The following COG5 variants were observed in gnomAD, a reference collection of about 807,000 sequenced individuals.
COG5 encodes the protein component of oligomeric golgi complex 5, also known as conserved oligomeric Golgi complex subunit 5.
Under a neutral mutation model 110.4 loss-of-function variants are expected in COG5, and 86 were observed. That is an observed-to-expected ratio of 0.78 (90% CI 0.65 to 0.93). The LOEUF is 0.93. Ranked by LOEUF, COG5 falls within the 40% of genes least tolerant of loss-of-function variation. The pLI is 0.00. For missense variants in COG5, 1,077 were observed against 987.0 expected, an observed-to-expected ratio of 1.09 and a Z score of -1.22; for synonymous variants, 360 against 334.6, an observed-to-expected ratio of 1.08 and a Z score of -0.83.
At chr7:107,310,797 G>C (rs1435572764) in intron 11 of COG5, among the ~76,000 whole-genome samples, 2 of 152,192 alleles carry the variant, frequency 1.3e-5, no homozygotes, top group Non-Finnish European at 2.9e-5. Context: ...CCAGGACTGA[G>C]ACAGCTGGAT....
intron 10 of COG5, among the ~76,000 whole-genome samples, chr7:107,353,213 CAGG>C (rs1584717844): frequency 6.6e-6 from 1 of 152,070 alleles, no homozygotes; most frequent in East Asian, 1.9e-4. Flanking sequence ...ATCACAAGGT[CAGG>C]AGATCGAGAC....
intron 12 of COG5, among the ~76,000 whole-genome samples, chr7:107,294,070 C>T (rs1269510062): frequency 6.6e-6 from 1 of 151,884 alleles, no homozygotes; most frequent in Non-Finnish European, 1.5e-5. Context: ...AAGACTCCAT[C>T]TAAAAAAATA....
chr7:107,268,856 A>T lies in COG5; in HGVS notation c.1576-10473T>A, dbSNP rs117548237. ...ATTTTTTCTCCATTCCTTTACTTTCATCCTTTATCTGTCCTTATATTTTAG... is the reference window on the plus strand; with the variant it reads ...ATTTTTTCTCCATTCCTTTACTTTCTTCCTTTATCTGTCCTTATATTTTAG... On this transcript the variant is annotated intron_variant, in intron 14 of 21. Transcript: ENST00000297135. 1.5e-3 allele frequency among the ~76,000 whole-genome samples: 221 copies of T among 152,144 alleles called. 6 individuals carry two copies. In the East Asian group the frequency reaches 0.04, roughly 28 times the overall value.
intron 5 of COG5, among the ~76,000 whole-genome samples, chr7:107,539,009 G>A (rs931013594): frequency 3.9e-5 from 6 of 152,034 alleles, no homozygotes; most frequent in South Asian, 4.2e-4. Flanking sequence ...TGGACCAGGC[G>A]GCTCACTCCT....
At chr7:107,441,757 A>C (rs182498110) in intron 6 of COG5, among the ~76,000 whole-genome samples, 1 of 152,186 alleles carries the variant, frequency 6.6e-6, no homozygotes, top group Admixed American at 6.5e-5. Flanking sequence ...TACTTAGACC[A>C]TATGTGCTAA....
intron 14 of COG5, among the ~76,000 whole-genome samples, chr7:107,266,225 A>C (rs571032046): frequency 6.6e-6 from 1 of 152,306 alleles, no homozygotes; most frequent in East Asian, 1.9e-4. Context: ...CCAGCACATC[A>C]ATCTAACTAA....
chr7:107,234,223 T>C (rs1417977341), intron 18 of COG5, among the ~76,000 whole-genome samples: 1 of 152,162 alleles, frequency 6.6e-6, no homozygotes, highest in Non-Finnish European at 1.5e-5. Context: ...AGTGAGTAAA[T>C]GCTGTGTGTG....
At chr7:107,404,720 TA>T (rs1217175474) in intron 7 of COG5, among the ~76,000 whole-genome samples, 1 of 151,622 alleles carries the variant, frequency 6.6e-6, no homozygotes, top group African/African-American at 2.4e-5. Context: ...GTCAACAAGA[TA>T]AGGTTCTAAG....
intron 19 of COG5, among the ~76,000 whole-genome samples, chr7:107,218,272 C>G (rs537869397): frequency 1.3e-5 from 2 of 152,186 alleles, no homozygotes; most frequent in East Asian, 3.9e-4. Context: ...AATGTCCATA[C>G]TATCCAAACC....
chr7:107,321,072 C>G (rs906864237), intron 11 of COG5, among the ~76,000 whole-genome samples: 1 of 152,104 alleles, frequency 6.6e-6, no homozygotes, highest in African/African-American at 2.4e-5. Context: ...CTGAGACTTT[C>G]ATATTTGTAA....
At chr7:107,250,654 T>C (rs1448218827) in intron 16 of COG5, among the ~76,000 whole-genome samples, 2 of 151,540 alleles carry the variant, frequency 1.3e-5, no homozygotes, top group Non-Finnish European at 2.9e-5. Context: ...ACACAATAAA[T>C]AAAATAATAG....
intron 6 of COG5, among the ~76,000 whole-genome samples, chr7:107,442,514 T>C (rs1794773747): frequency 6.6e-6 from 1 of 151,296 alleles, no homozygotes; most frequent in South Asian, 2.1e-4. Context: ...TAAATACTTA[T>C]GCACTAAAGG....
At position 107,283,594 on chromosome 7, in the gene COG5, A is replaced by G. The variant is rs1228777798; in HGVS notation, c.1452T>C (p.Asp484=). ...GRNPPSSDEL[D]GIIKTIASEL... is the part of the protein sequence containing the mutation. ...ACCTTGCTATAGTTTTAATAATACC[A>G]TCAAGTTCATCAGAGGAAGGAGGAT... Residue 484 remains aspartate (D), a synonymous_variant, in exon 13 of 22, where the codon GAT becomes GAC. Transcript: ENST00000297135. 3 of 1,613,886 alleles carry G rather than the reference A, an allele frequency of 1.9e-6. No individual in the cohort carries two copies. The highest frequency in any genetic ancestry group is 2.7e-5 in the African/African-American group (2 of 74,932).
intron 10 of COG5, among the ~76,000 whole-genome samples, chr7:107,355,542 A>G (rs1166567913): frequency 6.6e-6 from 1 of 152,258 alleles, no homozygotes; most frequent in Non-Finnish European, 1.5e-5. Context: ...CAATAAATGA[A>G]TGAATAAACA....
intron 17 of COG5, among the ~76,000 whole-genome samples, chr7:107,237,095 G>A (rs1179555493): frequency 6.6e-6 from 1 of 152,148 alleles, no homozygotes; most frequent in African/African-American, 2.4e-5. Context: ...AGCATTTTAT[G>A]CTTTGCAATG....
intron 12 of COG5, among the ~76,000 whole-genome samples, chr7:107,289,205 G>A (rs1441447645): frequency 5.3e-5 from 8 of 151,544 alleles, no homozygotes; most frequent in Non-Finnish European, 1.0e-4. Flanking sequence ...ATGATGTGAA[G>A]GGCACCACTT....
chr7:107,540,390 G>C (rs921534689), intron 5 of COG5, among the ~76,000 whole-genome samples: 1 of 151,038 alleles, frequency 6.6e-6, no homozygotes, highest in African/African-American at 2.4e-5. Context: ...TAGGCAACAT[G>C]GTGAGACTCC....
At chr7:107,272,986 A>G (rs910333192) in intron 14 of COG5, among the ~76,000 whole-genome samples, 11 of 151,838 alleles carry the variant, frequency 7.2e-5, no homozygotes, top group African/African-American at 2.4e-4. Flanking sequence ...TTGCATCCTA[A>G]TTTTTAAAAG....
intron 7 of COG5, among the ~76,000 whole-genome samples, chr7:107,377,094 T>C (rs1814699855): frequency 6.6e-6 from 1 of 152,180 alleles, no homozygotes; most frequent in Non-Finnish European, 1.5e-5. Flanking sequence ...AGCAGGTACA[T>C]ATGTTTGGTC....
Sources: allele counts gnomAD v4.1 joint callset (sites outside exome capture counted in the v4.1 genomes callset), GRCh38; gene constraint gnomAD v4.1.1; transcripts MANE v1.5; gene names NCBI Gene and HGNC (gene_info 2026-07-23, HGNC 2026-07-21).